CCDC171: variants seen among roughly 807,000 people sequenced by gnomAD.
CCDC171 encodes coiled-coil domain-containing protein 171.
Under a neutral mutation model 168.2 loss-of-function variants are expected in CCDC171, and 177 were observed. The observed-to-expected ratio is 1.05, with a 90% CI of 0.93 to 1.19. CCDC171 has a LOEUF of 1.19. Ranked by LOEUF, CCDC171 falls within the 50% of genes most tolerant of loss-of-function variation. The probability of loss-of-function intolerance (pLI) is 0.00; values close to 1 mark genes in which losing one functional copy is unlikely to be tolerated. For synonymous variants in CCDC171, 687 were observed against 540.8 expected (o/e 1.27, Z -3.75); for missense variants, 1,991 against 1,539.0 (o/e 1.29, Z -4.91).
chr9:15,824,220 C>T (rs1051152838), intron 21 of CCDC171, among the ~76,000 whole-genome samples: 1 of 151,974 alleles, frequency 6.6e-6, no homozygotes, highest in Admixed American at 6.6e-5. Context: ...TATGTATATA[C>T]ATACACTCTA....
chr9:16,022,017 C>A (rs373439658), intron 4 of CCDC171, among the ~76,000 whole-genome samples: 2 of 152,312 alleles, frequency 1.3e-5, no homozygotes, highest in East Asian at 3.9e-4. Flanking sequence ...ATAGATGCTT[C>A]CACTGCTACC....
At chr9:15,646,052 G>A (rs1178469999) in intron 7 of CCDC171, among the ~76,000 whole-genome samples, 1 of 152,192 alleles carries the variant, frequency 6.6e-6, no homozygotes, top group Non-Finnish European at 1.5e-5. Context: ...GGATCTCTCA[G>A]CAGAAACTCT....
At chr9:15,688,251 G>T (rs947033603) in intron 10 of CCDC171, among the ~76,000 whole-genome samples, 3 of 151,668 alleles carry the variant, frequency 2.0e-5, no homozygotes, top group African/African-American at 7.3e-5. Context: ...ACAAAGAAAA[G>T]CCCAGGCCTA....
chr9:15,630,456 A>G (rs2045582269), intron 7 of CCDC171, among the ~76,000 whole-genome samples: 2 of 152,222 alleles, frequency 1.3e-5, no homozygotes, highest in Admixed American at 6.5e-5. Flanking sequence ...TAAAAGGATC[A>G]ATTCAACAAG....
chr9:15,700,083 G>C (rs766224454), intron 11 of CCDC171, among the ~76,000 whole-genome samples: 1 of 152,320 alleles, frequency 6.6e-6, no homozygotes, highest in East Asian at 1.9e-4. Context: ...ACTGGGTGCC[G>C]TGGAGCAGGG....
chr9:15,901,410 A>G (rs1458691750), intron 24 of CCDC171, among the ~76,000 whole-genome samples: 2 of 152,150 alleles, frequency 1.3e-5, no homozygotes, highest in East Asian at 1.9e-4. Context: ...GTAGGAGGGT[A>G]TTGATATGAA....
chr9:15,700,117 C>A (rs774631705), intron 11 of CCDC171, among the ~76,000 whole-genome samples: 2 of 152,106 alleles, frequency 1.3e-5, no homozygotes, highest in Non-Finnish European at 2.9e-5. Flanking sequence ...AGGGAGGCTC[C>A]GGTGCACAGG....
rs541073432 is a variant in CCDC171 at position 15,748,914 on chromosome 9, G to A, written c.2671+3283G>A. On this transcript the variant is annotated intron_variant, in intron 18 of 25. Transcript: ENST00000380701. ...TATGAAGAAACTGCATCAAGTAACG[G>A]GCAAAATAACCAGCTAACATCATAA... Among the ~76,000 whole-genome samples the A allele has an allele frequency of 1.4e-4, 22 of 152,156 alleles. 1 individual carries two copies. In the South Asian group the frequency reaches 4.4e-3, roughly 30 times the overall value.
intron 24 of CCDC171, chr9:15,887,707 G>A (rs1223394687): frequency 6.6e-6 from 1 of 151,702 alleles, no homozygotes; most frequent in Non-Finnish European, 1.5e-5. Context: ...AAATAAAAAT[G>A]AAAAATTAAA....
chr9:16,070,778 C>T, the CCDC171 span, among the ~76,000 whole-genome samples: 3 of 152,344 alleles, frequency 2.0e-5, no homozygotes, highest in East Asian at 3.9e-4. Context: ...GCTTCTTAAA[C>T]ATCCTCTCCT....
At chr9:15,828,374 T>G (rs1319531167) in intron 21 of CCDC171, among the ~76,000 whole-genome samples, 1 of 151,300 alleles carries the variant, frequency 6.6e-6, no homozygotes, top group East Asian at 1.9e-4. Context: ...ACGTGAAGAA[T>G]TTTATTGAGA....
chr9:15,614,139 A>T (rs545850357), intron 6 of CCDC171, among the ~76,000 whole-genome samples: 5 of 152,290 alleles, frequency 3.3e-5, no homozygotes, highest in South Asian at 2.1e-4. Flanking sequence ...TCAGCCAGAG[A>T]TGAGAGACTG....
At chr9:15,734,857 G>A (rs2054386193) in intron 16 of CCDC171, among the ~76,000 whole-genome samples, 1 of 152,126 alleles carries the variant, frequency 6.6e-6, no homozygotes, top group Non-Finnish European at 1.5e-5. Flanking sequence ...TTGTTATATA[G>A]GATTGTGAGT....
At chr9:15,729,577 A>T (rs2054025406) in intron 15 of CCDC171, 33 bp from the exon 16 acceptor site, 1 of 1,426,252 alleles carries the variant, frequency 7.0e-7, no homozygotes, top group Admixed American at 1.9e-5. Context: ...GCTTGTGAGC[A>T]TATTTCCTTC....
rs543265002 is a variant in CCDC171 at position 15,778,105 on chromosome 9, G to A, written c.2898+279G>A. ...GAGGTCAGGAGATCGAGACCATCCTGGCTAACAAGGTGAAACCCCGTCTCT... is the reference window on the plus strand; with the variant it reads ...GAGGTCAGGAGATCGAGACCATCCTAGCTAACAAGGTGAAACCCCGTCTCT... On this transcript the variant is annotated intron_variant, in intron 19 of 25. Coordinates refer to ENST00000380701, the MANE Select transcript of CCDC171 (RefSeq NM_173550.4). 2.6e-3 allele frequency among the ~76,000 whole-genome samples: 391 copies of A among 149,288 alleles called. 1 individual carries two copies. The highest frequency in any genetic ancestry group is 9.1e-3 in the African/African-American group (368 of 40,480).
At chr9:15,599,995 C>T (rs1255141354) in intron 6 of CCDC171, among the ~76,000 whole-genome samples, 1 of 151,872 alleles carries the variant, frequency 6.6e-6, no homozygotes, top group East Asian at 1.9e-4. Flanking sequence ...GTTTTCAGCT[C>T]CGTCAGGTCC....
intron 25 of CCDC171, among the ~76,000 whole-genome samples, chr9:15,934,751 C>T (rs954882403): frequency 6.6e-6 from 1 of 152,014 alleles, no homozygotes; most frequent in African/African-American, 2.4e-5. Context: ...GTACAAACAA[C>T]CCAAAGTCCA....
intron 7 of CCDC171, among the ~76,000 whole-genome samples, chr9:15,632,072 T>G (rs1428392249): frequency 1.3e-5 from 2 of 152,186 alleles, no homozygotes; most frequent in East Asian, 3.9e-4. Flanking sequence ...TCATACTAAA[T>G]GGGCAAAAAC....
chr9:16,101,786 G>A, the CCDC171 span, among the ~76,000 whole-genome samples: 2 of 152,202 alleles, frequency 1.3e-5, no homozygotes, highest in Non-Finnish European at 2.9e-5. Flanking sequence ...TGACAGCCAG[G>A]AAGAAAGCAG....
Sources: gnomAD v4.1 joint callset for allele counts (sites outside exome capture counted in the v4.1 genomes callset) on GRCh38, gnomAD v4.1.1 for gene constraint, MANE v1.5 for transcripts, NCBI Gene and HGNC (gene_info 2026-07-23, HGNC 2026-07-21) for gene names.